MYO5A: variants seen among roughly 807,000 people sequenced by gnomAD.
MYO5A encodes the protein unconventional myosin-Va.
MYO5A carries 98 observed loss-of-function variants against 249.7 expected under a neutral mutation model. That is an observed-to-expected ratio of 0.39 (90% CI 0.33 to 0.46). The LOEUF (loss-of-function observed/expected upper bound fraction) is 0.46, where lower values mean the gene tolerates loss of function less well. Ranked by LOEUF, MYO5A falls within the 20% of genes least tolerant of loss-of-function variation. The probability of loss-of-function intolerance (pLI) is 0.98; values close to 1 mark genes in which losing one functional copy is unlikely to be tolerated. For synonymous variants in MYO5A, 778 were observed against 810.6 expected (o/e 0.96, Z 0.68); for missense variants, 1,696 against 2,308.8 (o/e 0.73, Z 5.44).
At chr15:52,510,045 G>A (rs2077357770) in intron 1 of MYO5A, among the ~76,000 whole-genome samples, 2 of 152,218 alleles carry the variant, frequency 1.3e-5, no homozygotes, top group Non-Finnish European at 2.9e-5. Flanking sequence ...TGCTATGGCA[G>A]TGAAGAATGA....
intron 1 of MYO5A, among the ~76,000 whole-genome samples, chr15:52,443,807 C>A (rs1346349596): frequency 6.6e-6 from 1 of 151,814 alleles, no homozygotes; most frequent in African/African-American, 2.4e-5. Context: ...ATGGTGAAAC[C>A]CTGTCTCTAC....
At chr15:52,465,344 C>T (rs904906846) in intron 1 of MYO5A, among the ~76,000 whole-genome samples, 19 of 151,920 alleles carry the variant, frequency 1.3e-4, no homozygotes, top group African/African-American at 3.9e-4. Context: ...TAATTTTAGC[C>T]GAGAAAAGCA....
chr15:52,474,355 C>A (rs1288193428), intron 1 of MYO5A, among the ~76,000 whole-genome samples: 1 of 152,214 alleles, frequency 6.6e-6, no homozygotes, highest in Admixed American at 6.5e-5. Flanking sequence ...TTGACTTCCT[C>A]TTTTCCTAAT....
intron 1 of MYO5A, among the ~76,000 whole-genome samples, chr15:52,470,461 G>A (rs1405154043): frequency 6.6e-6 from 1 of 152,050 alleles, no homozygotes; most frequent in African/African-American, 2.4e-5. Context: ...AGAACACCCG[G>A]ACCAACATGG....
At position 52,307,993 on chromosome 15, in the gene MYO5A, T is replaced by C. The variant is rs559374600; in HGVS notation, c.*5703A>G. 6.6e-6 allele frequency: 1 copy of C among 152,256 alleles called. No individual in the cohort carries two copies. The highest frequency in any genetic ancestry group is 6.5e-5 in the Admixed American group (1 of 15,290). The allele number at this position is 152,256 out of a possible 1,614,324, so 9.4% of individuals were successfully genotyped here. On this transcript the variant is annotated 3_prime_UTR_variant, in exon 42 of 42. Transcript: ENST00000399233. ...CTCAAATGATTTACGGAGCCTGAAA[T>C]GTGGGCTAAAATTTTATAACATGAT...
intron 1 of MYO5A, chr15:52,505,960 T>C: frequency 1.8e-6 from 2 of 1,098,334 alleles, no homozygotes; most frequent in Non-Finnish European, 2.5e-6. Flanking sequence ...ATACCTGTAA[T>C]CCCATCACTT....
intron 29 of MYO5A, among the ~76,000 whole-genome samples, chr15:52,346,773 A>T (rs1054884221): frequency 6.6e-6 from 1 of 151,094 alleles, no homozygotes; most frequent in South Asian, 2.1e-4. Context: ...TATGTGAAAA[A>T]AAATATATAT....
intron 1 of MYO5A, among the ~76,000 whole-genome samples, chr15:52,446,879 T>C (rs2075902765): frequency 6.6e-6 from 1 of 152,192 alleles, no homozygotes; most frequent in Admixed American, 6.5e-5. Flanking sequence ...TTCTCCCTTT[T>C]GGAATGGGAG....
intron 1 of MYO5A, among the ~76,000 whole-genome samples, chr15:52,506,357 A>G (rs2077271217): frequency 1.3e-5 from 2 of 151,848 alleles, no homozygotes; most frequent in Non-Finnish European, 2.9e-5. Context: ...TCTCAAAAAA[A>G]TAATAATAAT....
intron 12 of MYO5A, among the ~76,000 whole-genome samples, chr15:52,389,822 T>C (rs1033843033): frequency 2.0e-5 from 3 of 151,882 alleles, no homozygotes; most frequent in South Asian, 4.2e-4. Context: ...GGCGAGGTGG[T>C]GGGCACCTGT....
At chr15:52,412,464 G>A (rs1229720984) in intron 5 of MYO5A, among the ~76,000 whole-genome samples, 1 of 152,186 alleles carries the variant, frequency 6.6e-6, no homozygotes, top group African/African-American at 2.4e-5. Flanking sequence ...ATCAGACCAG[G>A]CCCTATTATC....
chr15:52,422,783 C>T (rs188170151), intron 4 of MYO5A, among the ~76,000 whole-genome samples: 3 of 152,292 alleles, frequency 2.0e-5, no homozygotes, highest in Admixed American at 1.3e-4. Context: ...GTGGCACCAT[C>T]TTGGCCCACT....
chr15:52,484,591 G>A (rs909933586), intron 1 of MYO5A, among the ~76,000 whole-genome samples: 7 of 152,120 alleles, frequency 4.6e-5, no homozygotes, highest in African/African-American at 7.2e-5. Flanking sequence ...TTGGTAGAAA[G>A]AATCAAAAAT....
At chr15:52,528,127 C>G (rs1338336361) in intron 1 of MYO5A, among the ~76,000 whole-genome samples, 4 of 152,070 alleles carry the variant, frequency 2.6e-5, no homozygotes, top group East Asian at 1.9e-4. Context: ...TGGAGCCTAA[C>G]AAGGCTCTGC....
intron 1 of MYO5A, among the ~76,000 whole-genome samples, chr15:52,515,286 A>AAAG (rs1555388942): frequency 4.7e-5 from 7 of 147,948 alleles, no homozygotes; most frequent in South Asian, 2.1e-4. Flanking sequence ...CAAGAAAAAA[A>AAAG]AAAGAAAGAA....
chr15:52,334,752 T>C (rs2039038678), intron 34 of MYO5A, among the ~76,000 whole-genome samples: 1 of 152,242 alleles, frequency 6.6e-6, no homozygotes, highest in Non-Finnish European at 1.5e-5. Context: ...AGATGTTTTC[T>C]ATGCTCAGGA....
intron 23 of MYO5A, among the ~76,000 whole-genome samples, chr15:52,366,356 T>C (rs2040805874): frequency 6.6e-6 from 1 of 151,964 alleles, no homozygotes; most frequent in Non-Finnish European, 1.5e-5. Context: ...CAACAGAATG[T>C]ATATGAAAAT....
At chr15:52,382,355 C>T (rs1009528486) in intron 16 of MYO5A, among the ~76,000 whole-genome samples, 2 of 152,052 alleles carry the variant, frequency 1.3e-5, no homozygotes, top group Non-Finnish European at 2.9e-5. Flanking sequence ...GGACGGATCA[C>T]GAAGTCAGGA....
chr15:52,528,284 G>A (rs929184907), intron 1 of MYO5A, among the ~76,000 whole-genome samples: 1 of 152,164 alleles, frequency 6.6e-6, no homozygotes, highest in Non-Finnish European at 1.5e-5. Context: ...AGGTGATACG[G>A]CCACCGTTTG....
Sources: gnomAD v4.1 joint callset for allele counts (sites outside exome capture counted in the v4.1 genomes callset) on GRCh38, gnomAD v4.1.1 for gene constraint, MANE v1.5 for transcripts, NCBI Gene and HGNC (gene_info 2026-07-23, HGNC 2026-07-21) for gene names.